The following NUBPL variants were observed in gnomAD, a reference collection of about 807,000 sequenced individuals.
The protein encoded by NUBPL is iron-sulfur cluster transfer protein NUBPL.
A neutral mutation model predicts 45.7 loss-of-function variants in NUBPL; 31 were observed. The observed-to-expected ratio is 0.68, with a 90% confidence interval of 0.51 to 0.92. NUBPL has a LOEUF of 0.92. Ranked by LOEUF, NUBPL falls within the 40% of genes least tolerant of loss-of-function variation. The pLI, the probability that NUBPL is intolerant of heterozygous loss-of-function variation, is 0.00. For missense variants in NUBPL, 401 were observed against 398.7 expected, an observed-to-expected ratio of 1.01 and a Z score of -0.05; for synonymous variants, 144 against 140.9, an observed-to-expected ratio of 1.02 and a Z score of -0.15.
intron 6 of NUBPL, among the ~76,000 whole-genome samples, chr14:31,770,909 C>T (rs191081181): frequency 3.7e-4 from 57 of 152,232 alleles, no homozygotes; most frequent in Non-Finnish European, 5.4e-4. Flanking sequence ...CAATTTCTCT[C>T]AGTTGATTTC....
At chr14:31,642,994 A>G (rs1233061848) in intron 4 of NUBPL, among the ~76,000 whole-genome samples, 10 of 152,006 alleles carry the variant, frequency 6.6e-5, no homozygotes, top group Non-Finnish European at 1.2e-4. Flanking sequence ...TGGTTTTTAT[A>G]TGTTGATTTT....
rs1436846652 is a variant in NUBPL at position 31,755,662 on chromosome 14, A to G, written c.514-32118A>G. Among the ~76,000 whole-genome samples the G allele has an allele frequency of 2.5e-4, 38 of 152,160 alleles. No homozygotes were observed. The East Asian group carries it at 2.5e-3, about 10-fold the overall frequency. On this transcript the variant is annotated intron_variant, in intron 6 of 10. Transcript: ENST00000281081. ...ATTTTGTAGGTTGCCTGTTCACTCT[A>G]ATGGTAGTTTCCTTTGCTGTGCAGA... is the stretch of plus-strand genomic sequence containing the variant.
chr14:31,609,601 C>G (rs532500866), intron 4 of NUBPL, among the ~76,000 whole-genome samples: 98 of 152,238 alleles, frequency 6.4e-4, no homozygotes, highest in Middle Eastern at 3.4e-3. Context: ...AGCATTTCAT[C>G]CAGTGAATGC....
chr14:31,733,215 C>T (rs1030391232), intron 6 of NUBPL, among the ~76,000 whole-genome samples: 2 of 152,138 alleles, frequency 1.3e-5, no homozygotes, highest in African/African-American at 2.4e-5. Flanking sequence ...AGATATCCCT[C>T]GTATGGAGTG....
At chr14:31,567,889 C>T (rs1212984534) in intron 3 of NUBPL, among the ~76,000 whole-genome samples, 3 of 152,160 alleles carry the variant, frequency 2.0e-5, no homozygotes, top group Non-Finnish European at 4.4e-5. Flanking sequence ...AACCAACCCT[C>T]TAGGCGATTT....
rs141442709 is a variant in NUBPL at position 31,836,100 on chromosome 14, G to T, written c.693+9386G>T. 6.4e-3 allele frequency among the ~76,000 whole-genome samples: 973 copies of T among 152,222 alleles called. 11 individuals carry two copies. Among genetic ancestry groups the T allele is most frequent in the African/African-American group, 0.022 (917 of 41,540 alleles). The stretch of plus-strand genomic sequence containing the variant: ...CCTTTTGGGCCTCCTTAATTCAATA[G>T]ATTTAGACAGAAAAATCCAATATTC... On this transcript the variant is annotated intron_variant, in intron 8 of 10. Transcript: ENST00000281081.
intron 3 of NUBPL, among the ~76,000 whole-genome samples, chr14:31,565,378 A>G (rs1333925585): frequency 6.6e-6 from 1 of 152,194 alleles, no homozygotes; most frequent in Non-Finnish European, 1.5e-5. Context: ...TTTAAGGGGA[A>G]AGATATTCTG....
intron 4 of NUBPL, among the ~76,000 whole-genome samples, chr14:31,610,510 AC>A (rs1388391674): frequency 3.3e-5 from 5 of 149,872 alleles, no homozygotes; most frequent in Non-Finnish European, 7.4e-5. Context: ...TACCAATCCT[AC>A]TCAAACTGTT....
At chr14:31,647,797 G>T (rs754163307) in intron 4 of NUBPL, among the ~76,000 whole-genome samples, 2 of 152,212 alleles carry the variant, frequency 1.3e-5, no homozygotes, top group Non-Finnish European at 2.9e-5. Flanking sequence ...GAAACTGATT[G>T]TCCACTTTGA....
At chr14:31,571,408 C>T (rs1398959933) in intron 3 of NUBPL, among the ~76,000 whole-genome samples, 2 of 150,610 alleles carry the variant, frequency 1.3e-5, no homozygotes, top group African/African-American at 2.4e-5. Context: ...CTCAGAAGGG[C>T]AGCTCAGCAG....
intron 4 of NUBPL, among the ~76,000 whole-genome samples, chr14:31,668,388 G>T (rs985256522): frequency 6.6e-5 from 10 of 152,286 alleles, no homozygotes; most frequent in Admixed American, 2.0e-4. Flanking sequence ...TCTAGCCTCA[G>T]TATTGGTTGA....
chr14:31,733,454 G>C (rs1459036973), intron 6 of NUBPL, among the ~76,000 whole-genome samples: 1 of 152,120 alleles, frequency 6.6e-6, no homozygotes, highest in Admixed American at 6.5e-5. Flanking sequence ...ACAGTGTCGA[G>C]TCTTCTGATC....
chr14:31,693,275 A>G (rs994043162), intron 6 of NUBPL, among the ~76,000 whole-genome samples: 2 of 152,192 alleles, frequency 1.3e-5, no homozygotes, highest in African/African-American at 4.8e-5. Context: ...TGAAAGTAGT[A>G]ATAGATCTGG....
chr14:31,625,175 C>G (rs12885660), intron 4 of NUBPL, among the ~76,000 whole-genome samples: 2 of 152,196 alleles, frequency 1.3e-5, no homozygotes, highest in African/African-American at 4.8e-5. Flanking sequence ...GAACTGTACC[C>G]TAGAAGCCAA....
At chr14:31,815,440 G>A (rs1386230029) in intron 7 of NUBPL, among the ~76,000 whole-genome samples, 1 of 152,176 alleles carries the variant, frequency 6.6e-6, no homozygotes, top group African/African-American at 2.4e-5. Context: ...TTTGGGCTGA[G>A]ACGATGGGGT....
chr14:31,568,331 C>T (rs978545065), intron 3 of NUBPL, among the ~76,000 whole-genome samples: 1 of 152,114 alleles, frequency 6.6e-6, no homozygotes, highest in African/African-American at 2.4e-5. Context: ...ACAGTTAACT[C>T]ATTTCCTGTT....
At chr14:31,645,785 C>CCA (rs397853332) in intron 4 of NUBPL, among the ~76,000 whole-genome samples, 1,830 of 134,858 alleles carry the variant, frequency 0.014, 48 homozygotes, top group Non-Finnish European at 0.023. Flanking sequence ...CCCCCCCCCC[C>CCA]ACATTTTGAC....
intron 6 of NUBPL, among the ~76,000 whole-genome samples, chr14:31,738,365 T>A (rs575691436): frequency 9.2e-5 from 14 of 152,202 alleles, no homozygotes; most frequent in Non-Finnish European, 5.9e-5. Flanking sequence ...TCAGTGATTA[T>A]GTCATGTGAA....
At chr14:31,736,303 T>C (rs1436441477) in intron 6 of NUBPL, among the ~76,000 whole-genome samples, 3 of 152,192 alleles carry the variant, frequency 2.0e-5, no homozygotes, top group Admixed American at 2.0e-4. Flanking sequence ...TCTTAAAATA[T>C]TGTGCACACC....
Sources: gnomAD v4.1 joint callset for allele counts (sites outside exome capture counted in the v4.1 genomes callset) on GRCh38, gnomAD v4.1.1 for gene constraint, MANE v1.5 for transcripts, NCBI Gene and HGNC (gene_info 2026-07-23, HGNC 2026-07-21) for gene names.